EHD4: variants seen among roughly 807,000 people sequenced by gnomAD.
EHD4 encodes EH domain-containing protein 4.
A neutral mutation model predicts 51.0 loss-of-function variants in EHD4; 37 were observed. The ratio of observed to expected loss-of-function variants is 0.73; its 90% CI spans 0.56 to 0.95. The LOEUF is 0.95. EHD4 is among the 40% of genes least tolerant of loss of function. The probability of loss-of-function intolerance (pLI) is 0.00; values close to 1 mark genes in which losing one functional copy is unlikely to be tolerated. For missense variants in EHD4, 632 were observed against 733.1 expected, an observed-to-expected ratio of 0.86 and a Z score of 1.59; for synonymous variants, 297 against 317.3, an observed-to-expected ratio of 0.94 and a Z score of 0.68.
intron 3 of EHD4, among the ~76,000 whole-genome samples, chr15:41,920,882 C>CTA (rs2067620369): frequency 6.6e-6 from 1 of 152,168 alleles, no homozygotes; most frequent in African/African-American, 2.4e-5. Flanking sequence ...TGGATACAGA[C>CTA]TATAGCACAA....
At chr15:41,940,478 A>T (rs1013689684) in intron 3 of EHD4, among the ~76,000 whole-genome samples, 2 of 152,156 alleles carry the variant, frequency 1.3e-5, no homozygotes, top group Non-Finnish European at 2.9e-5. Flanking sequence ...GTGTGTTGAA[A>T]ATGTCAGCTG....
rs775406627 is a variant in EHD4, at chr15:41,919,374, G to T, written c.760C>A (p.Arg254Ser). 6.2e-7 allele frequency: 1 copy of T among 1,613,470 alleles called. No individual in the cohort carries two copies. The highest frequency in any genetic ancestry group is 8.5e-7 in the Non-Finnish European group (1 of 1,179,682). ...GCCCAGAAGGAGCCAATGTAGACGCGCAGTACCTCGGGCGTGTTGATGACC... is the reference window on the plus strand; with the variant it reads ...GCCCAGAAGGAGCCAATGTAGACGCTCAGTACCTCGGGCGTGTTGATGACC... The part of the protein sequence containing the change: ...GKVINTPEVL[R>S]VYIGSFWAQP... Residue 254 changes from arginine to serine, a missense_variant, in exon 4 of 6, where the codon CGC becomes AGC. By Grantham distance (110) the Arg-to-Ser change is moderately radical. Transcript: ENST00000220325.
intron 5 of EHD4, among the ~76,000 whole-genome samples, chr15:41,902,773 G>C (rs1368411983): frequency 6.7e-6 from 1 of 148,816 alleles, no homozygotes; most frequent in Non-Finnish European, 1.5e-5. Flanking sequence ...ATATATGTAT[G>C]TGTGTATATA....
At chr15:41,950,945 A>T (rs2067848805) in intron 2 of EHD4, among the ~76,000 whole-genome samples, 1 of 152,222 alleles carries the variant, frequency 6.6e-6, no homozygotes, top group Admixed American at 6.5e-5. Context: ...ATGACTTGGG[A>T]CATAATCACC....
chr15:41,940,225 TA>T (rs1171994875), intron 3 of EHD4, among the ~76,000 whole-genome samples: 1 of 151,938 alleles, frequency 6.6e-6, no homozygotes, highest in Non-Finnish European at 1.5e-5. Flanking sequence ...ACAATGCCCA[TA>T]AGGGAGGCAA....
intron 3 of EHD4, among the ~76,000 whole-genome samples, chr15:41,940,369 C>G (rs899528955): frequency 6.6e-6 from 1 of 152,208 alleles, no homozygotes; most frequent in Non-Finnish European, 1.5e-5. Context: ...GCTGGTCTTA[C>G]GAAGCTGGGT....
At chr15:41,934,801 G>A (rs1318946988) in intron 3 of EHD4, among the ~76,000 whole-genome samples, 1 of 152,168 alleles carries the variant, frequency 6.6e-6, no homozygotes, top group Admixed American at 6.5e-5. Flanking sequence ...TTGCACGGCC[G>A]AAGGAAAGAG....
At chr15:41,951,529 C>G (rs199550034) in intron 2 of EHD4, among the ~76,000 whole-genome samples, 2 of 152,068 alleles carry the variant, frequency 1.3e-5, no homozygotes, top group East Asian at 1.9e-4. Flanking sequence ...AGCCAATAAC[C>G]ACTCTTCCTG....
At chr15:41,913,218 G>A (rs1432077153) in intron 4 of EHD4, among the ~76,000 whole-genome samples, 1 of 152,120 alleles carries the variant, frequency 6.6e-6, no homozygotes, top group East Asian at 1.9e-4. Flanking sequence ...TAAACAGACG[G>A]GACAGCTTGA....
chr15:41,933,427 C>CGAGAG (rs1488931296), intron 3 of EHD4, among the ~76,000 whole-genome samples: 3 of 152,134 alleles, frequency 2.0e-5, no homozygotes, highest in Non-Finnish European at 4.4e-5. Context: ...TCCCACTGTA[C>CGAGAG]GAGAGAAAGT....
In EHD4 at chr15:41,909,821, T is replaced by C; in HGVS notation, c.967A>G (p.Ser323Gly). The change falls in exon 5 of 6, where the codon AGT (serine) becomes GGT (glycine). Residue 323 changes from serine (S) to glycine (G), a missense_variant. By Grantham distance (56) the Ser-to-Gly change is moderately conservative. Transcript: ENST00000220325. ...IISYLKKEMP[S>G]VFGKENKKRE... The stretch of plus-strand genomic sequence containing the variant: ...TTCTTGTTTTCCTTTCCAAATACAC[T>C]TGGCATCTCCTTCTTCAGGTAGCTG... The C allele has an allele frequency of 6.2e-7, 1 of 1,614,212 alleles. No individual in the cohort carries two copies. The highest frequency in any genetic ancestry group is 8.5e-7 in the Non-Finnish European group (1 of 1,180,044).
intron 4 of EHD4, among the ~76,000 whole-genome samples, chr15:41,917,308 A>G (rs2067591561): frequency 6.6e-6 from 1 of 151,978 alleles, no homozygotes; most frequent in Non-Finnish European, 1.5e-5. Flanking sequence ...TTTAGTAGAG[A>G]CGGGGTTTCA....
intron 3 of EHD4, among the ~76,000 whole-genome samples, chr15:41,920,620 A>T (rs1194949578): frequency 6.6e-6 from 1 of 152,252 alleles, no homozygotes; most frequent in Non-Finnish European, 1.5e-5. Context: ...ATGAATGCTG[A>T]TGTACCTACC....
Position 41,943,163 on chromosome 15 carries a change from A to T in EHD4, c.415T>A (p.Phe139Ile), listed in dbSNP as rs2067787894. ...TGATTGGGGAGCTGTGAGCACATGA[A>T]TCTGGAAGAGACGGATCAAAGGAGG... ...SRFGNAFLNR[F>I]MCSQLPNQVL... Residue 139 changes from phenylalanine to isoleucine, a missense_variant and splice_region_variant, in exon 3 of 6, where the codon TTC (phenylalanine) becomes ATC (isoleucine). By Grantham distance (21) the Phe-to-Ile change is conservative. Coordinates refer to ENST00000220325, the MANE Select transcript of EHD4 (RefSeq NM_139265.4). 1 of 1,581,892 alleles carries T rather than the reference A, an allele frequency of 6.3e-7. No individual in the cohort carries two copies. Among genetic ancestry groups the T allele is most frequent in the East Asian group, 2.3e-5 (1 of 43,958 alleles).
At chr15:41,934,159 A>G (rs990626678) in intron 3 of EHD4, among the ~76,000 whole-genome samples, 3 of 151,760 alleles carry the variant, frequency 2.0e-5, no homozygotes, top group African/African-American at 7.3e-5. Flanking sequence ...CCCTTCTTTC[A>G]CTTGTTTTGG....
chr15:41,965,428 A>T (rs1007888979), intron 1 of EHD4, among the ~76,000 whole-genome samples: 5 of 152,190 alleles, frequency 3.3e-5, no homozygotes, highest in African/African-American at 4.8e-5. Context: ...GAACGGATGG[A>T]AGGTTCAGCA....
Position 41,919,584 on chromosome 15 carries a change from T to A in EHD4, c.550A>T (p.Arg184Trp). 2 of 1,517,272 alleles carry A rather than the reference T, an allele frequency of 1.3e-6. No homozygotes were observed. Among genetic ancestry groups the A allele is most frequent in the Non-Finnish European group, 1.8e-6 (2 of 1,133,728 alleles). 94.0% of individuals were successfully genotyped at this position (1,517,272 alleles called of 1,614,324 possible). The change falls in exon 4 of 6, where the codon AGG (arginine) becomes TGG (tryptophan). Residue 184 changes from arginine to tryptophan, a missense_variant. By Grantham distance (101) the Arg-to-Trp change is moderately radical. Coordinates refer to ENST00000220325, the MANE Select transcript of EHD4 (RefSeq NM_139265.4). ...FCQVLQWFAE[R>W]VDRIILLFDA... is the part of the protein sequence containing the mutation. ...AAGAGCAGGATGATCCTGTCCACCCTCTCGGCAAACCACTGCAGGACCTGG... is the reference window on the plus strand; with the variant it reads ...AAGAGCAGGATGATCCTGTCCACCCACTCGGCAAACCACTGCAGGACCTGG...
chr15:41,949,327 G>A (rs866799637), intron 2 of EHD4, among the ~76,000 whole-genome samples: 1 of 151,782 alleles, frequency 6.6e-6, no homozygotes, highest in African/African-American at 2.4e-5. Flanking sequence ...CCGAGATTGC[G>A]CAGCTGCACT....
intron 1 of EHD4, among the ~76,000 whole-genome samples, chr15:41,964,759 GAAAA>G (rs199934344): frequency 0.056 from 5,706 of 102,122 alleles, 383 homozygotes; most frequent in African/African-American, 0.16. Context: ...ATATAAGCCT[GAAAA>G]AAAAAAAAAA....
Sources: allele counts gnomAD v4.1 joint callset (sites outside exome capture counted in the v4.1 genomes callset), GRCh38; gene constraint gnomAD v4.1.1; transcripts MANE v1.5; gene names NCBI Gene and HGNC (gene_info 2026-07-23, HGNC 2026-07-21).